The following LGR5 variants were observed in gnomAD, a reference collection of about 807,000 sequenced individuals.
LGR5 encodes leucine-rich repeat-containing G protein-coupled receptor 5.
LGR5 carries 54 observed loss-of-function variants against 76.7 expected under a neutral mutation model. That is an observed-to-expected ratio of 0.70 (90% confidence interval 0.57 to 0.88). The LOEUF is 0.88. Among genes scored for constraint, LGR5 ranks in the 40% least tolerant of loss-of-function variants. The pLI, the probability that LGR5 is intolerant of heterozygous loss-of-function variation, is 0.00. For missense variants in LGR5, 1,078 were observed against 1,073.3 expected (o/e 1.00, Z -0.06); for synonymous variants, 406 against 421.9 (o/e 0.96, Z 0.46).
chr12:71,485,967 TG>T (rs1308326400), intron 1 of LGR5, among the ~76,000 whole-genome samples: 2 of 152,096 alleles, frequency 1.3e-5, no homozygotes. Flanking sequence ...GGGTTTACTA[TG>T]TTGGCTAGGG....
chr12:71,526,726 T>C (rs1209079875), intron 3 of LGR5, among the ~76,000 whole-genome samples: 1 of 152,164 alleles, frequency 6.6e-6, no homozygotes, highest in Non-Finnish European at 1.5e-5. Context: ...TGCAGGGTAC[T>C]GTGAAACTAC....
intron 11 of LGR5, among the ~76,000 whole-genome samples, chr12:71,569,211 A>G (rs899459106): frequency 3.3e-5 from 5 of 152,268 alleles, no homozygotes; most frequent in Non-Finnish European, 7.3e-5. Flanking sequence ...AAACCCTAGA[A>G]GAAAATCTAG....
intron 3 of LGR5, among the ~76,000 whole-genome samples, chr12:71,527,597 A>G (rs1876081416): frequency 6.6e-6 from 1 of 152,222 alleles, no homozygotes; most frequent in African/African-American, 2.4e-5. Flanking sequence ...AATACAAAAT[A>G]TTTATAAAGC....
chr12:71,543,921 CT>C (rs1405016789), intron 4 of LGR5, among the ~76,000 whole-genome samples: 1 of 152,072 alleles, frequency 6.6e-6, no homozygotes, highest in African/African-American at 2.4e-5. Context: ...AATAGTGCCC[CT>C]GATAGAAAAA....
At chr12:71,534,532 C>T (rs1354279817) in intron 3 of LGR5, among the ~76,000 whole-genome samples, 1 of 152,164 alleles carries the variant, frequency 6.6e-6, no homozygotes, top group East Asian at 1.9e-4. Context: ...ATGTCATTTT[C>T]CTACATATGC....
At chr12:71,488,884 A>C (rs1873947550) in intron 1 of LGR5, among the ~76,000 whole-genome samples, 1 of 152,214 alleles carries the variant, frequency 6.6e-6, no homozygotes, top group Non-Finnish European at 1.5e-5. Context: ...TTGGATTTGT[A>C]AAATCTTATT....
At chr12:71,475,185 G>A (rs1342940715) in intron 1 of LGR5, among the ~76,000 whole-genome samples, 1 of 152,076 alleles carries the variant, frequency 6.6e-6, no homozygotes, top group Non-Finnish European at 1.5e-5. Context: ...GCCTGTTAGT[G>A]CATCTAATTC....
At chr12:71,462,747 C>T (rs976603766) in intron 1 of LGR5, among the ~76,000 whole-genome samples, 2 of 152,176 alleles carry the variant, frequency 1.3e-5, no homozygotes, top group South Asian at 2.1e-4. Flanking sequence ...CCGTCTTCCT[C>T]TTGCCAGTTT....
At chr12:71,516,096 C>T (rs768534903) in intron 2 of LGR5, among the ~76,000 whole-genome samples, 14 of 149,574 alleles carry the variant, frequency 9.4e-5, no homozygotes, top group Non-Finnish European at 2.1e-4. Context: ...TTACAATAAA[C>T]AAGAAGAAAA....
chr12:71,489,893 T>A (rs141426202), intron 1 of LGR5, among the ~76,000 whole-genome samples: 112 of 151,664 alleles, frequency 7.4e-4, no homozygotes, highest in Non-Finnish European at 1.4e-3. Flanking sequence ...TGAGAAGCCA[T>A]CTCTGCAGAA....
intron 1 of LGR5, among the ~76,000 whole-genome samples, chr12:71,475,307 C>G (rs1480514278): frequency 6.6e-6 from 1 of 152,112 alleles, no homozygotes; most frequent in East Asian, 1.9e-4. Flanking sequence ...AACACTGTTC[C>G]CTTTATACGT....
chr12:71,563,409 G>A (rs916220944), intron 8 of LGR5, among the ~76,000 whole-genome samples: 3 of 152,122 alleles, frequency 2.0e-5, no homozygotes, highest in Admixed American at 6.5e-5. Context: ...TCCCTTCACC[G>A]TTGGCAGCAC....
At position 71,504,286 on chromosome 12, in the gene LGR5, C is replaced by A. The variant is rs1040958947; in HGVS notation, c.213-328C>A. Reference sequence around the variant, plus strand: ...AGCAAGACACAAAGTTGAGTTATGTCTAGAGTTGAGTTATGTCTGTTTCCT... The same window carrying A: ...AGCAAGACACAAAGTTGAGTTATGTATAGAGTTGAGTTATGTCTGTTTCCT... On this transcript the variant is annotated intron_variant, in intron 1 of 17. Transcript: ENST00000266674. Among the ~76,000 whole-genome samples, 3 of 152,036 alleles carry A rather than the reference C, an allele frequency of 2.0e-5. No individual in the cohort carries two copies. The East Asian group carries it at 5.8e-4, about 29-fold the overall frequency.
At chr12:71,460,874 G>C (rs1023004256) in intron 1 of LGR5, among the ~76,000 whole-genome samples, 3 of 151,988 alleles carry the variant, frequency 2.0e-5, no homozygotes, top group African/African-American at 7.3e-5. Context: ...CCCTTCCCCT[G>C]CAAAATAAGT....
At chr12:71,573,063 G>C in intron 13 of LGR5, 142 bp downstream of exon 13, 1 of 583,330 alleles carries the variant, frequency 1.7e-6, no homozygotes, top group East Asian at 3.0e-5. Flanking sequence ...CAAGTATTTT[G>C]CTTCTGGTAA....
chr12:71,582,131 C>T lies in LGR5; in HGVS notation c.1553-325C>T, dbSNP rs536128286. 1.1e-4 allele frequency among the ~76,000 whole-genome samples: 17 copies of T among 152,246 alleles called. No homozygotes were observed. The South Asian group carries it at 2.1e-3, about 19-fold the overall frequency. ...TGGATAAAGCGGTTCCTACTCTGAA[C>T]GAAGAGGCCCATAGCCTCCTCTAAT... On this transcript the variant is annotated intron_variant, in intron 16 of 17. Transcript: ENST00000266674.
intron 17 of LGR5, 144 bp from the exon 18 acceptor site, chr12:71,583,503 G>A: frequency 1.1e-6 from 1 of 887,926 alleles, no homozygotes; most frequent in Non-Finnish European, 1.7e-6. Context: ...TGAGATAGTG[G>A]AGCATGCACA....
chr12:71,557,637 G>A (rs1877843196), intron 6 of LGR5, among the ~76,000 whole-genome samples: 1 of 152,188 alleles, frequency 6.6e-6, no homozygotes, highest in Non-Finnish European at 1.5e-5. Context: ...CAGAGCCAAG[G>A]TAGAGGTTCT....
At chr12:71,569,873 G>A (rs1036002730) in intron 11 of LGR5, among the ~76,000 whole-genome samples, 8 of 152,166 alleles carry the variant, frequency 5.3e-5, no homozygotes, top group Admixed American at 4.6e-4. Context: ...GTTCATTGAA[G>A]CACTATTCAC....
Sources: allele counts gnomAD v4.1 joint callset (sites outside exome capture counted in the v4.1 genomes callset), GRCh38; gene constraint gnomAD v4.1.1; transcripts MANE v1.5; gene names NCBI Gene and HGNC (gene_info 2026-07-23, HGNC 2026-07-21).